Variants in GRIP1 observed in about 807,000 individuals in gnomAD.
The protein encoded by GRIP1 is glutamate receptor-interacting protein 1.
In GRIP1, 45 loss-of-function variants were observed where a neutral mutation model predicts 129.9. The ratio of observed to expected loss-of-function variants is 0.35; its 90% CI spans 0.27 to 0.44. GRIP1 has a LOEUF of 0.44. Ranked by LOEUF, GRIP1 falls within the 20% of genes least tolerant of loss-of-function variation. GRIP1 has a pLI of 1.00. For missense variants in GRIP1, 1,196 were observed against 1,396.8 expected (o/e 0.86, Z 2.29); for synonymous variants, 530 against 520.8 (o/e 1.02, Z -0.24).
chr12:66,842,430 C>T (rs751796064), intron 1 of GRIP1, among the ~76,000 whole-genome samples: 1 of 152,126 alleles, frequency 6.6e-6, no homozygotes, highest in Non-Finnish European at 1.5e-5. Flanking sequence ...CCAGCATCTC[C>T]ACTCACTGTT....
At chr12:66,397,506 C>A (rs542352612) in intron 16 of GRIP1, among the ~76,000 whole-genome samples, 7 of 148,684 alleles carry the variant, frequency 4.7e-5, no homozygotes, top group Non-Finnish European at 1.0e-4. Flanking sequence ...CAGCAAGACA[C>A]CCTCTAAAAA....
chr12:66,477,809 G>A (rs1565782378), intron 7 of GRIP1, among the ~76,000 whole-genome samples: 1 of 151,914 alleles, frequency 6.6e-6, no homozygotes, highest in Non-Finnish European at 1.5e-5. Context: ...ATGGTGCTGG[G>A]AAACTGGCTA....
At position 66,354,025 on chromosome 12, in the gene GRIP1, C is replaced by G. The variant is rs192642509; in HGVS notation, c.3013-462G>C. Among the ~76,000 whole-genome samples, 247 of 152,286 alleles carry G rather than the reference C, an allele frequency of 1.6e-3. 1 individual carries two copies. Among genetic ancestry groups the G allele is most frequent in the African/African-American group, 5.8e-3 (239 of 41,558 alleles). ...GTGCTCGGCGTATCCTCTCTTTGGG[C>G]AAGTACCATGAAGTTCATCCTTTTA... On this transcript the variant is annotated intron_variant, in intron 23 of 24. Coordinates refer to ENST00000359742, the MANE Select transcript of GRIP1 (RefSeq NM_001366722.1).
chr12:66,553,960 C>T (rs2062230133), intron 2 of GRIP1, among the ~76,000 whole-genome samples: 1 of 152,112 alleles, frequency 6.6e-6, no homozygotes, highest in Non-Finnish European at 1.5e-5. Context: ...GGCCCTAAAT[C>T]TACTTGAAAG....
At chr12:66,958,335 G>A (rs145211298) in intron 1 of GRIP1, among the ~76,000 whole-genome samples, 11 of 152,180 alleles carry the variant, frequency 7.2e-5, no homozygotes, top group South Asian at 6.2e-4. Context: ...ATCCCACTGC[G>A]TGGGCCAGGC....
intron 1 of GRIP1, among the ~76,000 whole-genome samples, chr12:66,613,116 T>C (rs2064880369): frequency 6.6e-6 from 1 of 152,152 alleles, no homozygotes; most frequent in Non-Finnish European, 1.5e-5. Context: ...TAAAATATAA[T>C]ATGGTAAATC....
At chr12:66,678,629 A>G (rs1195189787) in intron 1 of GRIP1, among the ~76,000 whole-genome samples, 1 of 152,112 alleles carries the variant, frequency 6.6e-6, no homozygotes, top group Admixed American at 6.6e-5. Flanking sequence ...AAAATCACAC[A>G]AGCTGCTTTC....
At chr12:66,369,843 G>C (rs964360989) in intron 23 of GRIP1, among the ~76,000 whole-genome samples, 1 of 152,170 alleles carries the variant, frequency 6.6e-6, no homozygotes, top group African/African-American at 2.4e-5. Flanking sequence ...ACAGCCTAAT[G>C]GTGTATGTCA....
At chr12:66,944,544 T>G (rs1448419410) in intron 1 of GRIP1, among the ~76,000 whole-genome samples, 8 of 149,350 alleles carry the variant, frequency 5.4e-5, no homozygotes, top group African/African-American at 2.0e-4. Context: ...GGGGTGGGGG[T>G]GCCATTCTGA....
At chr12:66,973,450 T>C (rs1384846181) in intron 1 of GRIP1, among the ~76,000 whole-genome samples, 1 of 150,760 alleles carries the variant, frequency 6.6e-6, no homozygotes, top group Non-Finnish European at 1.5e-5. Flanking sequence ...CCATTTGTAA[T>C]TCCCCTGGTT....
chr12:66,669,036 G>A (rs2033940458), intron 1 of GRIP1, among the ~76,000 whole-genome samples: 1 of 152,146 alleles, frequency 6.6e-6, no homozygotes, highest in Non-Finnish European at 1.5e-5. Flanking sequence ...CAAGAACTCT[G>A]ATGAAAAGAA....
chr12:66,710,516 C>T (rs563141639), intron 1 of GRIP1, among the ~76,000 whole-genome samples: 1 of 151,970 alleles, frequency 6.6e-6, no homozygotes, highest in East Asian at 1.9e-4. Flanking sequence ...TTTACCAACT[C>T]GATTGATTTG....
intron 1 of GRIP1, among the ~76,000 whole-genome samples, chr12:67,026,949 G>T (rs1332708890): frequency 6.6e-6 from 1 of 152,068 alleles, no homozygotes; most frequent in African/African-American, 2.4e-5. Context: ...TTAAAACTGG[G>T]TATCGCTCTG....
At chr12:66,448,367 T>G (rs1312209382) in intron 11 of GRIP1, among the ~76,000 whole-genome samples, 30 of 152,220 alleles carry the variant, frequency 2.0e-4, no homozygotes, top group Non-Finnish European at 7.3e-5. Context: ...GTGAAATATA[T>G]CTTACAAAAA....
At chr12:66,671,972 A>G (rs1425597315) in intron 1 of GRIP1, among the ~76,000 whole-genome samples, 1 of 152,246 alleles carries the variant, frequency 6.6e-6, no homozygotes, top group African/African-American at 2.4e-5. Context: ...TATATTATCC[A>G]CATAAGGAAA....
chr12:66,744,478 T>C (rs2036884785), intron 1 of GRIP1, among the ~76,000 whole-genome samples: 1 of 152,172 alleles, frequency 6.6e-6, no homozygotes, highest in Non-Finnish European at 1.5e-5. Context: ...TCAGCTAGAT[T>C]CCTGCTGCCT....
At chr12:66,758,322 A>G (rs548317402) in intron 1 of GRIP1, among the ~76,000 whole-genome samples, 7 of 152,286 alleles carry the variant, frequency 4.6e-5, no homozygotes, top group African/African-American at 1.4e-4. Flanking sequence ...AGATCTTGTG[A>G]GACTTATTCA....
chr12:67,011,845 C>T (rs778333222), intron 1 of GRIP1, among the ~76,000 whole-genome samples: 6 of 152,164 alleles, frequency 3.9e-5, no homozygotes, highest in Admixed American at 2.0e-4. Flanking sequence ...ATATTTTAGG[C>T]TTTAAGCTCT....
At chr12:66,585,146 C>T (rs2063573992) in intron 2 of GRIP1, among the ~76,000 whole-genome samples, 1 of 148,878 alleles carries the variant, frequency 6.7e-6, no homozygotes, top group South Asian at 2.2e-4. Context: ...TACATGTGCA[C>T]ATTGTGCAGG....
Sources: allele counts gnomAD v4.1 joint callset (sites outside exome capture counted in the v4.1 genomes callset), GRCh38; gene constraint gnomAD v4.1.1; transcripts MANE v1.5; gene names NCBI Gene and HGNC (gene_info 2026-07-23, HGNC 2026-07-21).